Variants in DAAM2 observed in about 807,000 individuals in gnomAD.
DAAM2 encodes dishevelled associated activator of morphogenesis 2.
DAAM2 carries 39 observed loss-of-function variants against 120.7 expected under a neutral mutation model. That is an observed-to-expected ratio of 0.32 (90% CI 0.25 to 0.42). The LOEUF (loss-of-function observed/expected upper bound fraction) is 0.42, where lower values mean the gene tolerates loss of function less well. Ranked by LOEUF, DAAM2 falls within the 10% of genes least tolerant of loss-of-function variation. The probability of loss-of-function intolerance (pLI) is 1.00; values close to 1 mark genes in which losing one functional copy is unlikely to be tolerated. For missense variants in DAAM2, 1,283 were observed against 1,401.7 expected (o/e 0.92, Z 1.35); for synonymous variants, 488 against 524.9 (o/e 0.93, Z 0.96).
chr6:39,857,344 G>A (rs1406294151), intron 2 of DAAM2, among the ~76,000 whole-genome samples: 1 of 152,210 alleles, frequency 6.6e-6, no homozygotes, highest in East Asian at 1.9e-4. Flanking sequence ...TTGGAATGTG[G>A]TTTTATACTT....
Position 39,878,633 on chromosome 6 carries a change from G to T in DAAM2, c.1545+45G>T. 1 of 1,551,170 alleles carries T rather than the reference G, an allele frequency of 6.4e-7. No individual in the cohort carries two copies. Among genetic ancestry groups the T allele is most frequent in the Non-Finnish European group, 8.7e-7 (1 of 1,146,506 alleles). On this transcript the variant is annotated intron_variant, in intron 13 of 24. Coordinates refer to ENST00000274867, the MANE Select transcript of DAAM2 (RefSeq NM_001201427.2). This position sits in a 1 kb window ranked among gnomAD's most constrained non-coding sequence, Gnocchi z 5.0. ...TTTACATAGTTGAGCCAAGACCCTG[G>T]GCTTCAGGACTGGGTGGGCAGAGCA...
chr6:39,869,443 C>T (rs9380906), intron 7 of DAAM2, among the ~76,000 whole-genome samples: 3,965 of 152,084 alleles, frequency 0.026, 136 homozygotes, highest in East Asian at 0.18. Flanking sequence ...AAAAATTAGC[C>T]AAGTGTGGTG....
chr6:39,794,354 C>T (rs1761635281), intron 1 of DAAM2, among the ~76,000 whole-genome samples: 1 of 152,186 alleles, frequency 6.6e-6, no homozygotes, highest in Non-Finnish European at 1.5e-5. Flanking sequence ...ATGCAAACAA[C>T]TGTGCTATTA....
chr6:39,874,069 G>A (rs1163838560), intron 10 of DAAM2, among the ~76,000 whole-genome samples: 1 of 152,212 alleles, frequency 6.6e-6, no homozygotes, highest in Non-Finnish European at 1.5e-5. Context: ...GATGACAACT[G>A]TGACTTATTG....
chr6:39,889,913 A>C (rs1042217915), intron 17 of DAAM2, among the ~76,000 whole-genome samples: 1 of 152,164 alleles, frequency 6.6e-6, no homozygotes, highest in African/African-American at 2.4e-5. Context: ...AAATTACTTG[A>C]GGTCAGGAGT....
intron 3 of DAAM2, chr6:39,862,836 A>AT (rs1764271270): frequency 3.4e-5 from 4 of 116,114 alleles, no homozygotes; most frequent in Admixed American, 1.8e-4. Context: ...AAAAAAAAAA[A>AT]GATTTATTAA....
At chr6:39,880,218 G>T (rs1015910287) in intron 14 of DAAM2, among the ~76,000 whole-genome samples, 44 of 152,362 alleles carry the variant, frequency 2.9e-4, no homozygotes, top group Admixed American at 9.1e-4. Context: ...GTTTCAGTTA[G>T]GTTGGCTCAC....
chr6:39,899,513 G>GA (rs1766343286), intron 22 of DAAM2: 1 of 157,920 alleles, frequency 6.3e-6, no homozygotes, highest in African/African-American at 2.4e-5. Flanking sequence ...AGGAAGAAGG[G>GA]ACCCGTTCCG....
chr6:39,865,605 GC>G, intron 5 of DAAM2, among the ~76,000 whole-genome samples: 1 of 152,314 alleles, frequency 6.6e-6, no homozygotes, highest in African/African-American at 2.4e-5. Flanking sequence ...CCCTTCCCAG[GC>G]CACAACGTGT....
At chr6:39,851,609 A>C (rs1047316886) in intron 1 of DAAM2, among the ~76,000 whole-genome samples, 1 of 152,182 alleles carries the variant, frequency 6.6e-6, no homozygotes. Context: ...TTAGGGTTTG[A>C]GGGTAAGGGC....
intron 16 of DAAM2, 113 bp from the exon 17 acceptor site, chr6:39,888,566 T>C: frequency 1.3e-6 from 1 of 772,106 alleles, no homozygotes; most frequent in Non-Finnish European, 2.1e-6. Context: ...GAGGGGGGAA[T>C]ACTATTAAAT....
chr6:39,878,830 A>G lies in DAAM2; in HGVS notation c.1545+242A>G, dbSNP rs1764982863. On this transcript the variant is annotated intron_variant, in intron 13 of 24. Transcript: ENST00000274867. The surrounding 1 kb of genome is among the most constrained non-coding windows in gnomAD (Gnocchi z 5.0). Reference sequence around the variant, plus strand: ...AAGCACACCTTGGACAGCAGAGTGCAGCTGGAATTGGATCCACTTCCCTCT... The same window carrying G: ...AAGCACACCTTGGACAGCAGAGTGCGGCTGGAATTGGATCCACTTCCCTCT... Among the ~76,000 whole-genome samples, 1 of 152,190 alleles carries G rather than the reference A, an allele frequency of 6.6e-6. No individual in the cohort carries two copies. Among genetic ancestry groups the G allele is most frequent in the African/African-American group, 2.4e-5 (1 of 41,438 alleles).
In DAAM2 at chr6:39,873,223, C is replaced by T. The variant is rs1461495273; in HGVS notation, c.1045-15C>T. 3.8e-6 allele frequency: 6 copies of T among 1,558,556 alleles called. No individual in the cohort carries two copies. Among genetic ancestry groups the T allele is most frequent in the South Asian group, 1.1e-5 (1 of 87,776 alleles). ...GCTGCCTACCCACTGATCACTGTGC[C>T]CTCTTCTCTCCCAGGTCCACATCGA... On this transcript the variant is annotated splice_polypyrimidine_tract_variant and intron_variant, in intron 9 of 24. Coordinates refer to ENST00000274867, the MANE Select transcript of DAAM2 (RefSeq NM_001201427.2).
intron 17 of DAAM2, among the ~76,000 whole-genome samples, chr6:39,889,496 A>C (rs1765570208): frequency 6.6e-6 from 1 of 152,178 alleles, no homozygotes; most frequent in Admixed American, 6.5e-5. Context: ...TTGGAAGTAC[A>C]CTCTACAGCT....
chr6:39,823,599 C>T (rs1762564740), intron 1 of DAAM2, among the ~76,000 whole-genome samples: 1 of 152,182 alleles, frequency 6.6e-6, no homozygotes, highest in South Asian at 2.1e-4. Context: ...GTGTGACTTC[C>T]TCCCAAAGAG....
intron 1 of DAAM2, among the ~76,000 whole-genome samples, chr6:39,836,122 G>A (rs1562014520): frequency 6.6e-6 from 1 of 152,124 alleles, no homozygotes; most frequent in African/African-American, 2.4e-5. Context: ...TTAAATCCCA[G>A]CCCCTCTGCC....
intron 10 of DAAM2, among the ~76,000 whole-genome samples, chr6:39,874,925 C>A (rs1764808069): frequency 6.6e-6 from 1 of 152,014 alleles, no homozygotes; most frequent in Non-Finnish European, 1.5e-5. Context: ...ATCCTAAAAT[C>A]TTTTTTAAAA....
chr6:39,864,540 A>G (rs1247533750), intron 4 of DAAM2, 33 bp downstream of exon 4: 1 of 1,560,802 alleles, frequency 6.4e-7, no homozygotes, highest in Admixed American at 1.8e-5. Flanking sequence ...CCCTGCCCCC[A>G]CCTGGAAAGG....
chr6:39,836,171 T>G (rs1763095524), intron 1 of DAAM2, among the ~76,000 whole-genome samples: 1 of 152,022 alleles, frequency 6.6e-6, no homozygotes, highest in African/African-American at 2.4e-5. Context: ...GTGCAGAAGA[T>G]TCCCTCATTC....
Sources: gnomAD v4.1 joint callset for allele counts (sites outside exome capture counted in the v4.1 genomes callset) on GRCh38, gnomAD v4.1.1 for gene constraint, Gnocchi (gnomAD v3.1) non-coding constraint, MANE v1.5 for transcripts, NCBI Gene and HGNC (gene_info 2026-07-23, HGNC 2026-07-21) for gene names.